Variants in LRRTM4 observed in about 807,000 individuals in gnomAD.
LRRTM4 encodes leucine-rich repeat transmembrane neuronal protein 4.
Under a neutral mutation model 47.6 loss-of-function variants are expected in LRRTM4, and 25 were observed. The ratio of observed to expected loss-of-function variants is 0.53; its 90% CI spans 0.38 to 0.73. LRRTM4 has a LOEUF of 0.73. Among genes scored for constraint, LRRTM4 ranks in the 30% least tolerant of loss-of-function variants. LRRTM4 has a pLI of 0.00. For synonymous variants in LRRTM4, 311 were observed against 269.5 expected (o/e 1.15, Z -1.51); for missense variants, 638 against 713.4 (o/e 0.89, Z 1.20).
At chr2:77,455,149 C>T (rs1300802483) in intron 3 of LRRTM4, among the ~76,000 whole-genome samples, 1 of 152,206 alleles carries the variant, frequency 6.6e-6, no homozygotes, top group Non-Finnish European at 1.5e-5. Flanking sequence ...GATAGCACCA[C>T]TGCACTCTAG....
At chr2:76,990,412 T>C (rs913307106) in intron 3 of LRRTM4, among the ~76,000 whole-genome samples, 3 of 151,684 alleles carry the variant, frequency 2.0e-5, no homozygotes, top group African/African-American at 7.3e-5. Flanking sequence ...AAAAGACTCA[T>C]CTCCTATGTA....
intron 3 of LRRTM4, among the ~76,000 whole-genome samples, chr2:77,053,800 T>C (rs940509037): frequency 1.3e-5 from 2 of 152,010 alleles, no homozygotes; most frequent in Non-Finnish European, 2.9e-5. Flanking sequence ...CTAAAAGAGA[T>C]TTATATAAAA....
intron 3 of LRRTM4, among the ~76,000 whole-genome samples, chr2:76,885,462 CTT>C (rs775279021): frequency 1.3e-4 from 18 of 135,542 alleles, no homozygotes; most frequent in East Asian, 2.2e-4. Flanking sequence ...CAAAAACATG[CTT>C]TTTTTTTTTT....
intron 3 of LRRTM4, among the ~76,000 whole-genome samples, chr2:76,797,151 T>G (rs1206359158): frequency 2.0e-5 from 3 of 151,926 alleles, no homozygotes; most frequent in South Asian, 2.1e-4. Flanking sequence ...GCTACTCCAA[T>G]ACACACAATT....
At chr2:76,951,627 T>C (rs1040158366) in intron 3 of LRRTM4, among the ~76,000 whole-genome samples, 1 of 151,968 alleles carries the variant, frequency 6.6e-6, no homozygotes, top group African/African-American at 2.4e-5. Flanking sequence ...ATAATTTTTT[T>C]CTTTTACTTT....
chr2:76,968,096 G>C (rs960118325), intron 3 of LRRTM4, among the ~76,000 whole-genome samples: 1 of 150,700 alleles, frequency 6.6e-6, no homozygotes, highest in Non-Finnish European at 1.5e-5. Context: ...ATATCGCACA[G>C]ATCTATCTGT....
intron 3 of LRRTM4, among the ~76,000 whole-genome samples, chr2:76,962,229 T>G (rs1675883522): frequency 6.6e-6 from 1 of 151,286 alleles, no homozygotes; most frequent in Admixed American, 6.6e-5. Flanking sequence ...AAATAAAAAT[T>G]TCTGAGAAGA....
chr2:76,991,504 T>A (rs772960580), intron 3 of LRRTM4, among the ~76,000 whole-genome samples: 34 of 151,746 alleles, frequency 2.2e-4, no homozygotes, highest in Non-Finnish European at 4.1e-4. Flanking sequence ...GTTATGAACA[T>A]ACCAATGCAC....
intron 3 of LRRTM4, among the ~76,000 whole-genome samples, chr2:76,991,137 A>G (rs967686553): frequency 6.6e-6 from 1 of 151,698 alleles, no homozygotes; most frequent in Non-Finnish European, 1.5e-5. Flanking sequence ...CTGGGATGCA[A>G]CATAGGCAGT....
intron 3 of LRRTM4, among the ~76,000 whole-genome samples, chr2:76,861,117 C>G (rs1320730777): frequency 6.6e-6 from 1 of 151,798 alleles, no homozygotes; most frequent in African/African-American, 2.4e-5. Flanking sequence ...AACATTTTGC[C>G]TCTTTAGGTT....
chr2:76,789,138 T>TC (rs1674835349), intron 3 of LRRTM4, among the ~76,000 whole-genome samples: 1 of 152,148 alleles, frequency 6.6e-6, no homozygotes, highest in Admixed American at 6.6e-5. Context: ...GCACTCACAC[T>TC]CCCTACCTCA....
At chr2:77,049,310 TC>T (rs1225897630) in intron 3 of LRRTM4, among the ~76,000 whole-genome samples, 1 of 151,380 alleles carries the variant, frequency 6.6e-6, no homozygotes, top group African/African-American at 2.4e-5. Flanking sequence ...CTTTTTCTTT[TC>T]TTTTTGATAT....
At chr2:76,916,014 AAC>A (rs1243042593) in intron 3 of LRRTM4, among the ~76,000 whole-genome samples, 1 of 152,154 alleles carries the variant, frequency 6.6e-6, no homozygotes, top group Non-Finnish European at 1.5e-5. Flanking sequence ...TTTGAAGATA[AAC>A]AGAGAAATTT....
intron 3 of LRRTM4, among the ~76,000 whole-genome samples, chr2:77,296,369 T>C (rs1484833452): frequency 3.3e-5 from 5 of 152,186 alleles, no homozygotes; most frequent in Non-Finnish European, 5.9e-5. Context: ...AGGTGGGAGA[T>C]AGCATCTTCG....
chr2:76,897,905 C>G (rs927541507), intron 3 of LRRTM4, among the ~76,000 whole-genome samples: 2 of 152,124 alleles, frequency 1.3e-5, no homozygotes, highest in African/African-American at 4.8e-5. Flanking sequence ...GTTTTCCATA[C>G]TGGTAGAATT....
At chr2:77,024,766 A>G (rs113014932) in intron 3 of LRRTM4, among the ~76,000 whole-genome samples, 2,322 of 152,290 alleles carry the variant, frequency 0.015, 68 homozygotes, top group African/African-American at 0.053. Context: ...TATGCTTGTA[A>G]AAGTATATAG....
intron 3 of LRRTM4, among the ~76,000 whole-genome samples, chr2:77,355,135 T>C (rs1202626058): frequency 6.6e-6 from 1 of 152,218 alleles, no homozygotes; most frequent in Non-Finnish European, 1.5e-5. Context: ...GTTTACCATG[T>C]CATGGTCTAA....
intron 3 of LRRTM4, among the ~76,000 whole-genome samples, chr2:77,286,307 A>G (rs904097671): frequency 6.6e-6 from 1 of 152,088 alleles, no homozygotes; most frequent in African/African-American, 2.4e-5. Context: ...TTAAACACAT[A>G]CAATATAACA....
At chr2:77,157,369 T>C (rs536061425) in intron 3 of LRRTM4, among the ~76,000 whole-genome samples, 1 of 152,228 alleles carries the variant, frequency 6.6e-6, no homozygotes, top group African/African-American at 2.4e-5. Context: ...CTCAGTAGAA[T>C]ATGGACATTA....
Sources: gnomAD v4.1 joint callset for allele counts (sites outside exome capture counted in the v4.1 genomes callset) on GRCh38, gnomAD v4.1.1 for gene constraint, MANE v1.5 for transcripts, NCBI Gene and HGNC (gene_info 2026-07-23, HGNC 2026-07-21) for gene names.